CTNNA2: variants seen among roughly 807,000 people sequenced by gnomAD.
CTNNA2 encodes catenin alpha-2.
CTNNA2 carries 42 observed loss-of-function variants against 101.0 expected under a neutral mutation model. That is an observed-to-expected ratio of 0.42 (90% CI 0.32 to 0.54). The LOEUF (loss-of-function observed/expected upper bound fraction) is 0.54. Among genes scored for constraint, CTNNA2 ranks in the 20% least tolerant of loss-of-function variants. The probability of loss-of-function intolerance (pLI) is 0.14; values close to 1 mark genes in which losing one functional copy is unlikely to be tolerated. For synonymous variants in CTNNA2, 450 were observed against 456.4 expected (o/e 0.99, Z 0.18); for missense variants, 871 against 1,223.1 (o/e 0.71, Z 4.29).
At chr2:80,294,841 T>C (rs1675602512) in intron 7 of CTNNA2, among the ~76,000 whole-genome samples, 1 of 152,104 alleles carries the variant, frequency 6.6e-6, no homozygotes, top group Non-Finnish European at 1.5e-5. Flanking sequence ...GAATTCCTTC[T>C]TCTCATAACA....
chr2:79,280,898 C>G (rs943729728), intron 2 of CTNNA2, among the ~76,000 whole-genome samples: 1 of 151,908 alleles, frequency 6.6e-6, no homozygotes, highest in Non-Finnish European at 1.5e-5. Context: ...ATGACACACC[C>G]GTATCATACT....
chr2:79,213,253 T>G (rs962143787), intron 2 of CTNNA2, among the ~76,000 whole-genome samples: 1 of 152,188 alleles, frequency 6.6e-6, no homozygotes, highest in African/African-American at 2.4e-5. Flanking sequence ...GATGATGCCC[T>G]TCGACGGCCT....
At chr2:80,486,158 C>T (rs1030430004) in intron 9 of CTNNA2, among the ~76,000 whole-genome samples, 4 of 152,150 alleles carry the variant, frequency 2.6e-5, no homozygotes, top group African/African-American at 7.2e-5. Context: ...AATGTTCATA[C>T]TGGAATTCAA....
intron 7 of CTNNA2, among the ~76,000 whole-genome samples, chr2:80,249,923 G>A (rs55756217): frequency 6.6e-6 from 1 of 152,104 alleles, no homozygotes; most frequent in Non-Finnish European, 1.5e-5. Flanking sequence ...TTTTCTTAAT[G>A]TTTTCTTTCT....
chr2:79,205,118 A>C (rs2104188483), intron 2 of CTNNA2, among the ~76,000 whole-genome samples: 1 of 152,334 alleles, frequency 6.6e-6, no homozygotes, highest in African/African-American at 2.4e-5. Flanking sequence ...GTTGGGTCAT[A>C]GAAGGTTATA....
intron 7 of CTNNA2, among the ~76,000 whole-genome samples, chr2:80,150,151 A>G (rs1165033362): frequency 1.3e-5 from 2 of 152,030 alleles, no homozygotes; most frequent in Non-Finnish European, 2.9e-5. Context: ...TGCTGCCACC[A>G]CTGAGATTGC....
chr2:80,488,250 C>T (rs1686756699), intron 9 of CTNNA2, among the ~76,000 whole-genome samples: 1 of 152,104 alleles, frequency 6.6e-6, no homozygotes, highest in Non-Finnish European at 1.5e-5. Flanking sequence ...TTGAAGCCTA[C>T]TCATTTCATA....
intron 7 of CTNNA2, among the ~76,000 whole-genome samples, chr2:80,245,794 C>CTTTTTT (rs34625586): frequency 1.2e-4 from 7 of 58,912 alleles, no homozygotes; most frequent in Admixed American, 2.4e-4. Context: ...TATGATTTAA[C>CTTTTTT]TTTTTTTTTT....
At chr2:79,846,489 C>T (rs922833661) in intron 3 of CTNNA2, among the ~76,000 whole-genome samples, 7 of 152,166 alleles carry the variant, frequency 4.6e-5, no homozygotes, top group Admixed American at 3.9e-4. Context: ...TTTGGAGATG[C>T]CGTAATGACT....
intron 2 of CTNNA2, among the ~76,000 whole-genome samples, chr2:79,698,952 GAA>G (rs1254384013): frequency 2.6e-5 from 4 of 152,060 alleles, no homozygotes; most frequent in Non-Finnish European, 4.4e-5. Context: ...AAAGTGAGTA[GAA>G]AGCACCTAAT....
intron 7 of CTNNA2, among the ~76,000 whole-genome samples, chr2:80,019,286 A>G (rs930561662): frequency 6.6e-6 from 1 of 152,200 alleles, no homozygotes; most frequent in Non-Finnish European, 1.5e-5. Flanking sequence ...AAGTTGAGGC[A>G]TGGTTGAAAC....
intron 7 of CTNNA2, among the ~76,000 whole-genome samples, chr2:80,360,423 A>G (rs2149315745): frequency 6.6e-6 from 1 of 152,134 alleles, no homozygotes; most frequent in East Asian, 1.9e-4. Flanking sequence ...GGTTTTTTAC[A>G]CATCCGAGCA....
rs111500991 is a variant in CTNNA2, at chr2:79,381,175, C to T, written c.-135+7162C>T. Among the ~76,000 whole-genome samples the T allele has an allele frequency of 2.4e-3, 370 of 152,194 alleles. 3 individuals carry two copies. The highest frequency in any genetic ancestry group is 8.4e-3 in the African/African-American group (347 of 41,512). On this transcript the variant is annotated intron_variant, in intron 4 of 21. Transcript: ENST00000466387. The stretch of plus-strand genomic sequence containing the variant: ...GTGAGTAAGTAGAAGAACTCACAAG[C>T]GTATTTAAAAAGGGAAAGCTAGAAC...
intron 4 of CTNNA2, among the ~76,000 whole-genome samples, chr2:79,391,551 A>C (rs145618651): frequency 6.6e-6 from 1 of 152,116 alleles, no homozygotes; most frequent in Non-Finnish European, 1.5e-5. Context: ...GTGGACTTTC[A>C]ACTGTTGGGG....
At chr2:79,626,352 T>G (rs1410277788) in intron 1 of CTNNA2, among the ~76,000 whole-genome samples, 1 of 152,088 alleles carries the variant, frequency 6.6e-6, no homozygotes, top group Non-Finnish European at 1.5e-5. Flanking sequence ...TAATTACAGG[T>G]TAGCCAGGAA....
intron 7 of CTNNA2, among the ~76,000 whole-genome samples, chr2:80,342,424 T>C (rs1326267825): frequency 2.0e-5 from 3 of 152,190 alleles, no homozygotes; most frequent in Admixed American, 6.6e-5. Context: ...TTCTTGTAAA[T>C]AAACAATGCT....
At chr2:80,606,414 C>CACACACACACACACACA in intron 16 of CTNNA2, among the ~76,000 whole-genome samples, 1 of 51,634 alleles carries the variant, frequency 1.9e-5, no homozygotes, top group South Asian at 3.4e-4. Flanking sequence ...ACACACACAC[C>CACACACACACACACACA]CCCCAGGATA....
intron 4 of CTNNA2, among the ~76,000 whole-genome samples, chr2:79,441,078 T>C (rs184948412): frequency 2.6e-5 from 4 of 152,210 alleles, no homozygotes; most frequent in Non-Finnish European, 4.4e-5. Context: ...AGGAACTGAC[T>C]GTTACAAAGG....
chr2:79,632,204 G>A (rs1679740078), intron 1 of CTNNA2, among the ~76,000 whole-genome samples: 1 of 151,842 alleles, frequency 6.6e-6, no homozygotes, highest in South Asian at 2.1e-4. Flanking sequence ...TATAAATACT[G>A]CTTAACATAA....
Sources: gnomAD v4.1 joint callset for allele counts (sites outside exome capture counted in the v4.1 genomes callset) on GRCh38, gnomAD v4.1.1 for gene constraint, MANE v1.5 for transcripts, NCBI Gene and HGNC (gene_info 2026-07-23, HGNC 2026-07-21) for gene names.